The following TTC29 variants were observed in gnomAD, a reference collection of about 807,000 sequenced individuals.
TTC29 encodes tetratricopeptide repeat domain 29.
In TTC29, 49 loss-of-function variants were observed where a neutral mutation model predicts 58.1. The ratio of observed to expected loss-of-function variants is 0.84; its 90% CI spans 0.67 to 1.07. The LOEUF is 1.07. TTC29 is among the 50% of genes least tolerant of loss of function. The pLI, the probability that TTC29 is intolerant of heterozygous loss-of-function variation, is 0.00. For synonymous variants in TTC29, 209 were observed against 196.8 expected, an observed-to-expected ratio of 1.06 and a Z score of -0.52; for missense variants, 582 against 555.6, an observed-to-expected ratio of 1.05 and a Z score of -0.48.
chr4:146,727,780 A>G (rs1319923422), intron 11 of TTC29, among the ~76,000 whole-genome samples: 1 of 152,192 alleles, frequency 6.6e-6, no homozygotes, highest in Non-Finnish European at 1.5e-5. Flanking sequence ...AGTTTTGGCA[A>G]TTATTAATAA....
intron 4 of TTC29, among the ~76,000 whole-genome samples, chr4:146,927,563 A>G (rs1262501981): frequency 6.6e-6 from 1 of 152,174 alleles, no homozygotes; most frequent in Non-Finnish European, 1.5e-5. Context: ...TATCTGTACT[A>G]TAATACATAC....
chr4:146,893,034 T>C (rs1579926645), intron 6 of TTC29, among the ~76,000 whole-genome samples: 1 of 152,028 alleles, frequency 6.6e-6, no homozygotes, highest in African/African-American at 2.4e-5. Context: ...TAAAAGAGGA[T>C]ACAAACAAAT....
At chr4:146,753,593 A>T (rs950364343) in intron 11 of TTC29, among the ~76,000 whole-genome samples, 3 of 152,222 alleles carry the variant, frequency 2.0e-5, no homozygotes, top group African/African-American at 7.2e-5. Context: ...TGCTATAAAG[A>T]CACATGCACA....
chr4:146,851,207 T>G (rs747650935), intron 8 of TTC29, among the ~76,000 whole-genome samples: 3 of 152,212 alleles, frequency 2.0e-5, no homozygotes, highest in Non-Finnish European at 4.4e-5. Context: ...TTTCTGTATG[T>G]TAACTTATTT....
intron 4 of TTC29, 62 bp downstream of exon 4, chr4:146,937,532 A>G (rs1735939519): frequency 9.0e-7 from 1 of 1,105,244 alleles, no homozygotes; most frequent in Non-Finnish European, 1.3e-6. Context: ...TGAAATTTCA[A>G]TAAAGAATCA....
intron 11 of TTC29, among the ~76,000 whole-genome samples, chr4:146,785,223 G>C (rs951018693): frequency 2.2e-5 from 3 of 133,946 alleles, no homozygotes; most frequent in African/African-American, 8.7e-5. Context: ...ACGGAGTTTC[G>C]CTCTTGTTGC....
At chr4:146,868,918 T>A (rs938395487) in intron 7 of TTC29, among the ~76,000 whole-genome samples, 1 of 151,918 alleles carries the variant, frequency 6.6e-6, no homozygotes, top group Non-Finnish European at 1.5e-5. Flanking sequence ...GAGCTCTTGC[T>A]CTATTAGTCC....
rs548229730 is a variant in TTC29, at chr4:146,874,873, C to G, written c.642G>C (p.Gly214=). The G allele has an allele frequency of 6.2e-7, 1 of 1,613,512 alleles. No homozygotes were observed. The highest frequency in any genetic ancestry group is 8.5e-7 in the Non-Finnish European group (1 of 1,179,698). The part of the protein sequence containing the change: ...HYEAFHQLTQ[G]RIWKDETGRS... ...GGCCTGTCTCATCCTTCCATATCCG[C>G]CCCTGTGTCAATTGATGGAATGCTT... Residue 214 remains glycine (G), a synonymous_variant, in exon 7 of 13, where the codon GGG becomes GGC. Coordinates refer to ENST00000325106, the MANE Select transcript of TTC29 (RefSeq NM_031956.4).
At chr4:146,755,755 G>A (rs1267472071) in intron 11 of TTC29, among the ~76,000 whole-genome samples, 2 of 151,798 alleles carry the variant, frequency 1.3e-5, no homozygotes, top group African/African-American at 4.8e-5. Flanking sequence ...AATAAAATTT[G>A]TTTTTAAAAT....
At chr4:146,855,028 T>G (rs1296624176) in intron 8 of TTC29, among the ~76,000 whole-genome samples, 1 of 152,156 alleles carries the variant, frequency 6.6e-6, no homozygotes, top group African/African-American at 2.4e-5. Context: ...GCAAGGTGGA[T>G]CATGCCTGTA....
chr4:146,835,558 T>C (rs191202056), intron 8 of TTC29, among the ~76,000 whole-genome samples: 136 of 152,292 alleles, frequency 8.9e-4, no homozygotes, highest in African/African-American at 3.1e-3. Context: ...CAAATACCAC[T>C]ATTGTGTCTC....
chr4:146,763,741 T>C lies in TTC29; in HGVS notation c.1330+39716A>G, dbSNP rs1320158802. On this transcript the variant is annotated intron_variant, in intron 11 of 12. Coordinates refer to ENST00000325106, the MANE Select transcript of TTC29 (RefSeq NM_031956.4). ...AGTAAAAGTGATATCAGTTTCTTTA[T>C]CTTGGTTACCATCTAAAGTGAGTTC... 5 of 152,240 alleles carry C rather than the reference T, an allele frequency of 3.3e-5. No homozygotes were observed. In the East Asian group the frequency reaches 9.7e-4, roughly 29 times the overall value. The allele number at this position is 152,240 out of a possible 1,614,324, so 9.4% of individuals were successfully genotyped here.
chr4:146,862,565 C>G (rs1280087293), intron 8 of TTC29, among the ~76,000 whole-genome samples: 1 of 152,130 alleles, frequency 6.6e-6, no homozygotes, highest in Non-Finnish European at 1.5e-5. Flanking sequence ...AAAGACATTG[C>G]CTTCAAATCT....
chr4:146,772,399 A>AT (rs1470628905), intron 11 of TTC29, among the ~76,000 whole-genome samples: 1 of 151,404 alleles, frequency 6.6e-6, no homozygotes, highest in African/African-American at 2.4e-5. Flanking sequence ...CCTTGAGTTG[A>AT]TTTTTTGTAT....
intron 11 of TTC29, among the ~76,000 whole-genome samples, chr4:146,792,390 G>A (rs111348970): frequency 9.3e-4 from 142 of 152,266 alleles, no homozygotes; most frequent in African/African-American, 3.4e-3. Flanking sequence ...CATCAAGTCT[G>A]TTGTAGCATG....
At chr4:146,908,329 C>T (rs565576990) in intron 5 of TTC29, among the ~76,000 whole-genome samples, 1 of 152,086 alleles carries the variant, frequency 6.6e-6, no homozygotes, top group Non-Finnish European at 1.5e-5. Flanking sequence ...TTATAGATGA[C>T]TAGTTAAAAT....
In TTC29 at chr4:146,939,914, A is replaced by C. The variant is rs201927784; in HGVS notation, c.-6-13T>G. The C allele has an allele frequency of 1.3e-6, 2 of 1,593,978 alleles. 1 individual carries two copies. Among genetic ancestry groups the C allele is most frequent in the Non-Finnish European group, 1.7e-6 (2 of 1,172,456 alleles). ...TGGTCATTTCGGACTACAAAAAGAA[A>C]TAAGTAGAAATTGTATTTTAAGGAA... is the stretch of plus-strand genomic sequence containing the variant. On this transcript the variant is annotated splice_polypyrimidine_tract_variant and intron_variant, in intron 2 of 12. Coordinates refer to ENST00000325106, the MANE Select transcript of TTC29 (RefSeq NM_031956.4).
At chr4:146,890,337 C>T (rs773175709) in intron 6 of TTC29, among the ~76,000 whole-genome samples, 1 of 152,120 alleles carries the variant, frequency 6.6e-6, no homozygotes, top group Non-Finnish European at 1.5e-5. Context: ...AAAGTACCAC[C>T]AATGTATAGG....
chr4:146,819,455 A>C (rs1420030253), intron 10 of TTC29, among the ~76,000 whole-genome samples: 2 of 152,224 alleles, frequency 1.3e-5, no homozygotes, highest in Admixed American at 6.5e-5. Context: ...AATTATAACT[A>C]GAGAAACAAG....
Sources: allele counts gnomAD v4.1 joint callset (sites outside exome capture counted in the v4.1 genomes callset), GRCh38; gene constraint gnomAD v4.1.1; transcripts MANE v1.5; gene names NCBI Gene and HGNC (gene_info 2026-07-23, HGNC 2026-07-21).